Variants in KIF24 observed in about 807,000 individuals in gnomAD.
KIF24 encodes kinesin family member 24.
Under a neutral mutation model 118.9 loss-of-function variants are expected in KIF24, and 81 were observed. The ratio of observed to expected loss-of-function variants is 0.68; its 90% CI spans 0.57 to 0.82. The LOEUF is 0.82. Ranked by LOEUF, KIF24 falls within the 40% of genes least tolerant of loss-of-function variation. The pLI is 0.00. For synonymous variants in KIF24, 599 were observed against 610.0 expected (o/e 0.98, Z 0.27); for missense variants, 1,560 against 1,661.6 (o/e 0.94, Z 1.06).
intron 8 of KIF24, among the ~76,000 whole-genome samples, chr9:34,263,739 T>A (rs988509334): frequency 1.2e-4 from 4 of 32,432 alleles, no homozygotes; most frequent in African/African-American, 2.6e-4. Flanking sequence ...TTTTTCTTAA[T>A]TTTTTTTTTT....
chr9:34,311,711 T>G (rs1245496947), intron 1 of KIF24, among the ~76,000 whole-genome samples: 1 of 139,980 alleles, frequency 7.1e-6, no homozygotes, highest in South Asian at 2.2e-4. Context: ...CATATATACG[T>G]ATATATGTAT....
chr9:34,310,671 G>A (rs1837102320), intron 2 of KIF24, 53 bp downstream of exon 2: 29 of 1,388,324 alleles, frequency 2.1e-5, no homozygotes, highest in Non-Finnish European at 2.7e-5. Context: ...GGAGAGGCCT[G>A]CCCTTGCCTG....
chr9:34,254,425 G>A lies in KIF24; in HGVS notation c.4062C>T (p.Thr1354=). 1 of 1,613,852 alleles carries A rather than the reference G, an allele frequency of 6.2e-7. No individual in the cohort carries two copies. Among genetic ancestry groups the A allele is most frequent in the Admixed American group, 1.7e-5 (1 of 60,018 alleles). Residue 1354 remains threonine (T), a synonymous_variant, in exon 13 of 13, where the codon ACC becomes ACT. Transcript: ENST00000402558. ...CAGGGGCTGCGGTGGGCCCGTGGCA[G>A]GTGAGATAGAGCTGCAGCTGGCTCC... ...SLRSQLQLYL[T]CHGPTAAPEG...
At chr9:34,312,467 T>C (rs1279471238) in intron 1 of KIF24, among the ~76,000 whole-genome samples, 1 of 152,236 alleles carries the variant, frequency 6.6e-6, no homozygotes, top group Non-Finnish European at 1.5e-5. Flanking sequence ...AATGGTTTCA[T>C]AATTCAGAGT....
In KIF24 at chr9:34,255,002, A is replaced by G; in HGVS notation, c.3966+70T>C. ...TTCCCCACACACAGCCACAGCAAAC[A>G]AGGATGACCATCAAATTAGCTGCAG... On this transcript the variant is annotated intron_variant, in intron 12 of 12. Coordinates refer to ENST00000402558, the MANE Select transcript of KIF24 (RefSeq NM_194313.4). 7 of 1,072,034 alleles carry G rather than the reference A, an allele frequency of 6.5e-6. No homozygotes were observed. The South Asian group carries it at 8.3e-5, about 13-fold the overall frequency. 66.4% of individuals were successfully genotyped at this position (1,072,034 alleles called of 1,614,324 possible). A position where few individuals can be genotyped will look rare whatever the true frequency, so the allele number is the denominator to read the frequency against.
At chr9:34,319,697 C>T (rs917118359) in intron 1 of KIF24, 3 of 717,760 alleles carry the variant, frequency 4.2e-6, no homozygotes, top group Non-Finnish European at 7.6e-6. Context: ...CAGCCAAAGG[C>T]TTCTGAGACA....
At chr9:34,255,274 T>C (rs1587904830) in intron 11 of KIF24, 109 bp from the exon 12 acceptor site, 1 of 681,788 alleles carries the variant, frequency 1.5e-6, no homozygotes, top group East Asian at 2.8e-5. Context: ...CTGCCGAAAA[T>C]GGTCAAGGTT....
At chr9:34,309,719 A>C (rs1013431491) in intron 2 of KIF24, among the ~76,000 whole-genome samples, 1 of 152,136 alleles carries the variant, frequency 6.6e-6, no homozygotes, top group African/African-American at 2.4e-5. Flanking sequence ...CAGAAATATT[A>C]TAATAAAAAT....
At chr9:34,328,117 T>C (rs896767031) in intron 1 of KIF24, among the ~76,000 whole-genome samples, 3 of 152,242 alleles carry the variant, frequency 2.0e-5, no homozygotes, top group Non-Finnish European at 2.9e-5. Context: ...ATATAATCCA[T>C]GAGTTAACAA....
chr9:34,271,750 C>T, intron 7 of KIF24, 59 bp downstream of exon 7: 6 of 1,587,728 alleles, frequency 3.8e-6, no homozygotes, highest in Non-Finnish European at 5.2e-6. Context: ...AGAAAACATA[C>T]TTCAAAGTCA....
chr9:34,287,525 C>T (rs1184350027), intron 5 of KIF24, among the ~76,000 whole-genome samples: 1 of 152,030 alleles, frequency 6.6e-6, no homozygotes, highest in Non-Finnish European at 1.5e-5. Flanking sequence ...ATTATTTTTC[C>T]CTCTTAATAA....
At position 34,290,272 on chromosome 9, in the gene KIF24, T is replaced by C. The variant is rs774023043; in HGVS notation, c.1029A>G (p.Gln343=). 1.2e-5 allele frequency: 19 copies of C among 1,613,688 alleles called. No individual in the cohort carries two copies. The highest frequency in any genetic ancestry group is 1.7e-5 in the Admixed American group (1 of 59,992). Residue 343 remains glutamine, a synonymous_variant, in exon 5 of 13, where the codon CAA becomes CAG. Transcript: ENST00000402558. The part of the protein sequence containing the change: ...YALAAKDIFR[Q]LEVSQPRKHL... ...GCTTTCTTGGCTGGGACACTTCTAG[T>C]TGCCTGAAGATATCTTTGGCAGCTA...
At chr9:34,302,731 T>A (rs1456270814) in intron 3 of KIF24, among the ~76,000 whole-genome samples, 1 of 151,778 alleles carries the variant, frequency 6.6e-6, no homozygotes, top group East Asian at 1.9e-4. Context: ...CCTCCCAAAG[T>A]GCTGGGATTA....
At chr9:34,287,004 A>C (rs1197520149) in intron 5 of KIF24, among the ~76,000 whole-genome samples, 1 of 152,180 alleles carries the variant, frequency 6.6e-6, no homozygotes, top group Non-Finnish European at 1.5e-5. Context: ...TCAGAGGTGG[A>C]TATGGGATCT....
chr9:34,309,675 G>A (rs1487045673), intron 2 of KIF24, among the ~76,000 whole-genome samples: 3 of 151,896 alleles, frequency 2.0e-5, no homozygotes, highest in Admixed American at 6.6e-5. Flanking sequence ...AGTATTACAT[G>A]CTCTGTGATC....
chr9:34,308,468 G>C (rs1837016258), intron 2 of KIF24, among the ~76,000 whole-genome samples: 1 of 151,964 alleles, frequency 6.6e-6, no homozygotes, highest in African/African-American at 2.4e-5. Context: ...ATTTTTAGTA[G>C]AGATGGGGTT....
At chr9:34,258,064 C>T in intron 10 of KIF24, 83 bp from the exon 11 acceptor site, 1 of 1,067,544 alleles carries the variant, frequency 9.4e-7, no homozygotes, top group Non-Finnish European at 1.4e-6. Context: ...AAAACAAAAA[C>T]CAAAGAAAAG....
At chr9:34,258,340 G>A (rs527864057) in intron 10 of KIF24, among the ~76,000 whole-genome samples, 10 of 152,210 alleles carry the variant, frequency 6.6e-5, no homozygotes, top group South Asian at 4.2e-4. Context: ...ATGGTGATGC[G>A]TGTCTGTAGG....
At chr9:34,299,952 C>T (rs895278402) in intron 3 of KIF24, among the ~76,000 whole-genome samples, 2 of 151,878 alleles carry the variant, frequency 1.3e-5, no homozygotes, top group Non-Finnish European at 2.9e-5. Context: ...CAGATAAGGC[C>T]TTATCTTCTA....
Sources: allele counts gnomAD v4.1 joint callset (sites outside exome capture counted in the v4.1 genomes callset), GRCh38; gene constraint gnomAD v4.1.1; transcripts MANE v1.5; gene names NCBI Gene and HGNC (gene_info 2026-07-23, HGNC 2026-07-21).